Variants in PROSER2 observed in about 807,000 individuals in gnomAD.
The protein encoded by PROSER2 is proline and serine-rich protein 2.
In PROSER2, 18 loss-of-function variants were observed where a neutral mutation model predicts 14.6. That is an observed-to-expected ratio of 1.23 (90% CI 0.85 to 1.83). The LOEUF is 1.83. Among genes scored for constraint, PROSER2 ranks in the 40% most tolerant of loss-of-function variants. The pLI, the probability that PROSER2 is intolerant of heterozygous loss-of-function variation, is 0.00. For synonymous variants in PROSER2, 367 were observed against 286.4 expected, an observed-to-expected ratio of 1.28 and a Z score of -2.84; for missense variants, 823 against 629.8, an observed-to-expected ratio of 1.31 and a Z score of -3.28.
At position 11,830,494 on chromosome 10, in the gene PROSER2, T is replaced by G. The variant is rs1022265217; in HGVS notation, c.-82+7024T>G. Reference sequence around the variant, plus strand: ...AACAGCGCCGCGGTAAAGATGCAAGTGCAGGTGTCTTTTGATGTAATGATT... The same window carrying G: ...AACAGCGCCGCGGTAAAGATGCAAGGGCAGGTGTCTTTTGATGTAATGATT... On this transcript the variant is annotated intron_variant, in intron 1 of 3. Transcript: ENST00000277570. The surrounding 1 kb of genome is among the most constrained non-coding windows in gnomAD (Gnocchi z 4.5). Among the ~76,000 whole-genome samples the G allele has an allele frequency of 3.3e-5, 5 of 152,224 alleles. No homozygotes were observed.
chr10:11,833,095 C>G (rs1833709890), intron 1 of PROSER2, among the ~76,000 whole-genome samples: 1 of 152,132 alleles, frequency 6.6e-6, no homozygotes, highest in East Asian at 1.9e-4. Flanking sequence ...CCGCCCACCT[C>G]AGCCTCCCAA....
At chr10:11,845,916 T>A (rs945536271) in intron 1 of PROSER2, among the ~76,000 whole-genome samples, 29 of 152,344 alleles carry the variant, frequency 1.9e-4, no homozygotes, top group African/African-American at 7.0e-4. Context: ...ACCTAGTATC[T>A]TTCATCCATT....
intron 1 of PROSER2, among the ~76,000 whole-genome samples, chr10:11,849,400 A>AG: frequency 6.6e-6 from 1 of 152,312 alleles, no homozygotes; most frequent in East Asian, 1.9e-4. Flanking sequence ...CTGTAGGTCT[A>AG]GGTCTGAGTC....
chr10:11,842,791 A>G (rs904454610), intron 1 of PROSER2, among the ~76,000 whole-genome samples: 6 of 151,672 alleles, frequency 4.0e-5, no homozygotes, highest in Non-Finnish European at 8.8e-5. Context: ...GATTTTCAGC[A>G]GTTATAATCT....
At chr10:11,851,963 A>T in intron 1 of PROSER2, 34 bp from the exon 2 acceptor site, 1 of 1,137,134 alleles carries the variant, frequency 8.8e-7, no homozygotes, top group African/African-American at 1.6e-5. Context: ...GTCTCGGCTT[A>T]CTGACCATTG....
rs1021419724 is a variant in PROSER2 at position 11,838,118 on chromosome 10, G to A, written c.-81-13879G>A. On this transcript the variant is annotated intron_variant, in intron 1 of 3. Transcript: ENST00000277570. This position sits in a 1 kb window ranked among gnomAD's most constrained non-coding sequence, Gnocchi z 4.4. ...ACCTTTCCTTTCTGTGTTGGTAGCAGCCAGACTCAGGTGCCCTCCGGTGAG... is the reference window on the plus strand; with the variant it reads ...ACCTTTCCTTTCTGTGTTGGTAGCAACCAGACTCAGGTGCCCTCCGGTGAG... 4.0e-5 allele frequency among the ~76,000 whole-genome samples: 6 copies of A among 150,908 alleles called. No individual in the cohort carries two copies. The highest frequency in any genetic ancestry group is 5.9e-5 in the Non-Finnish European group (4 of 67,406).
In PROSER2 at chr10:11,857,833, CTAAGTGCAGG is replaced by C. The variant is rs1564310928; in HGVS notation, c.138+5620_138+5629del. On this transcript the variant is annotated intron_variant, in intron 2 of 3. Transcript: ENST00000277570. ...CTTCGGCAACCTCGGAAGAGAGACT[CTAAGTGCAGG>C]TGGAGCAGAGATGAGTTCTGCTGCT... Among the ~76,000 whole-genome samples the C allele has an allele frequency of 3.3e-5, 5 of 151,984 alleles. No homozygotes were observed. The East Asian group carries it at 9.7e-4, about 29-fold the overall frequency.
chr10:11,860,150 C>T (rs1382873795), intron 2 of PROSER2, among the ~76,000 whole-genome samples: 2 of 152,210 alleles, frequency 1.3e-5, no homozygotes, highest in Non-Finnish European at 1.5e-5. Flanking sequence ...CTGGCCCTGC[C>T]TTGGGACTCA....
intron 2 of PROSER2, among the ~76,000 whole-genome samples, chr10:11,854,877 A>G (rs1419248506): frequency 6.6e-6 from 1 of 152,074 alleles, no homozygotes; most frequent in Non-Finnish European, 1.5e-5. Context: ...GAGAGTAGCT[A>G]TAAGTTTTAT....
Position 11,856,519 on chromosome 10 carries a change from G to A in PROSER2, c.138+4304G>A, listed in dbSNP as rs1257595408. On this transcript the variant is annotated intron_variant, in intron 2 of 3. Coordinates refer to ENST00000277570, the MANE Select transcript of PROSER2 (RefSeq NM_153256.4). The surrounding 1 kb of genome is among the most constrained non-coding windows in gnomAD (Gnocchi z 5.3). ...GCTGGAACAGCATGGCTGCTTTTGT[G>A]AGGGTGGCTGGGGACATCCCAAGTC... 1.3e-5 allele frequency among the ~76,000 whole-genome samples: 2 copies of A among 152,262 alleles called. No homozygotes were observed. The highest frequency in any genetic ancestry group is 4.8e-5 in the African/African-American group (2 of 41,470).
rs536400872 is a variant in PROSER2 at position 11,868,933 on chromosome 10, G to C, written c.392-557G>C. 5.3e-5 allele frequency among the ~76,000 whole-genome samples: 8 copies of C among 152,270 alleles called. No homozygotes were observed. In the East Asian group the frequency reaches 1.4e-3, roughly 26 times the overall value. ...CCCAAAGTGCTGGGATTACAGGTGCGAGCCACCGCGCCCGGCCCAGTGTTG... is the reference window on the plus strand; with the variant it reads ...CCCAAAGTGCTGGGATTACAGGTGCCAGCCACCGCGCCCGGCCCAGTGTTG... On this transcript the variant is annotated intron_variant, in intron 3 of 3. Transcript: ENST00000277570.
intron 1 of PROSER2, among the ~76,000 whole-genome samples, chr10:11,840,722 C>T (rs1444328639): frequency 1.3e-5 from 2 of 151,422 alleles, no homozygotes; most frequent in Non-Finnish European, 2.9e-5. Context: ...GTCAGGGGTT[C>T]GAGACCAGCC....
chr10:11,837,726 C>T lies in PROSER2; in HGVS notation c.-82+14256C>T, dbSNP rs1419768279. Among the ~76,000 whole-genome samples the T allele has an allele frequency of 6.6e-6, 1 of 152,170 alleles. No homozygotes were observed. The highest frequency in any genetic ancestry group is 1.5e-5 in the Non-Finnish European group (1 of 68,038). ...TAGGGAATCCAAGTCTTATAAGACACGATTTCTTTCCCTCACATTTCCTCG... is the reference window on the plus strand; with the variant it reads ...TAGGGAATCCAAGTCTTATAAGACATGATTTCTTTCCCTCACATTTCCTCG... On this transcript the variant is annotated intron_variant, in intron 1 of 3. Coordinates refer to ENST00000277570, the MANE Select transcript of PROSER2 (RefSeq NM_153256.4). The surrounding 1 kb of genome is among the most constrained non-coding windows in gnomAD (Gnocchi z 4.6).
At chr10:11,860,932 C>T (rs950108742) in intron 2 of PROSER2, among the ~76,000 whole-genome samples, 3 of 151,992 alleles carry the variant, frequency 2.0e-5, no homozygotes, top group African/African-American at 4.8e-5. Flanking sequence ...ATGGCGAAAC[C>T]CCATCTCTAC....
At position 11,832,822 on chromosome 10, in the gene PROSER2, T is replaced by C. The variant is rs918520927; in HGVS notation, c.-82+9352T>C. Among the ~76,000 whole-genome samples, 2 of 152,096 alleles carry C rather than the reference T, an allele frequency of 1.3e-5. 1 individual carries two copies. Among genetic ancestry groups the C allele is most frequent in the South Asian group, 4.1e-4 (2 of 4,824 alleles). On this transcript the variant is annotated intron_variant, in intron 1 of 3. Coordinates refer to ENST00000277570, the MANE Select transcript of PROSER2 (RefSeq NM_153256.4). ...AGGTCTGTTTTTAGGGTGCTCTTTTTTTTTTATTTAGATGGTTTTAGAGTT... is the reference window on the plus strand; with the variant it reads ...AGGTCTGTTTTTAGGGTGCTCTTTTCTTTTTATTTAGATGGTTTTAGAGTT...
intron 1 of PROSER2, among the ~76,000 whole-genome samples, chr10:11,839,440 C>T (rs1051122695): frequency 1.3e-5 from 2 of 152,278 alleles, no homozygotes; most frequent in Middle Eastern, 3.4e-3. Flanking sequence ...TTATATCAAG[C>T]GATTTCTGTT....
chr10:11,869,738 A>C lies in PROSER2; in HGVS notation c.640A>C (p.Thr214Pro), dbSNP rs1588502803. Residue 214 changes from threonine (T) to proline (P), a missense_variant, in exon 4 of 4, where the codon ACC (threonine) becomes CCC (proline). Physicochemically the swap from Thr to Pro is conservative, Grantham distance 38. Coordinates refer to ENST00000277570, the MANE Select transcript of PROSER2 (RefSeq NM_153256.4). The surrounding 1 kb of genome is among the most constrained non-coding windows in gnomAD (Gnocchi z 4.4). ...GGCGGGGAACGAAGCCCTCTCGCCC[A>C]CCTCCCCGTTCAGGGAGGGCCGGCC... Reference protein sequence around the residue: ...RMAGNEALSPTSPFREGRPGE... With the variant: ...RMAGNEALSPPSPFREGRPGE... The C allele has an allele frequency of 6.3e-7, 1 of 1,584,968 alleles. No individual in the cohort carries two copies. The highest frequency in any genetic ancestry group is 1.4e-5 in the African/African-American group (1 of 73,944).
At chr10:11,864,482 G>T (rs955100681) in intron 2 of PROSER2, among the ~76,000 whole-genome samples, 2 of 151,934 alleles carry the variant, frequency 1.3e-5, no homozygotes, top group African/African-American at 2.4e-5. Flanking sequence ...TTTGAATGTA[G>T]TTGCTACATA....
chr10:11,869,942 AG>A lies in PROSER2; in HGVS notation c.847del (p.Ala283ArgfsTer70). The stretch of plus-strand genomic sequence containing the variant: ...GGCGGCCGTCAGCGTGCAGGAGCGC[AG>A]GGCGCAGGTGTTGGCCACCATCCAC... The part of the protein sequence containing the change: ...SRAAVSVQER[R>X]AQVLATIHGH... On this transcript the variant is annotated frameshift_variant, in exon 4 of 4. Transcript: ENST00000277570. LOFTEE classifies it low-confidence loss of function (END_TRUNC). This position sits in a 1 kb window ranked among gnomAD's most constrained non-coding sequence, Gnocchi z 4.4. 1.3e-6 allele frequency: 2 copies of A among 1,523,614 alleles called. No homozygotes were observed. Among genetic ancestry groups the A allele is most frequent in the Non-Finnish European group, 1.8e-6 (2 of 1,140,384 alleles). The allele number at this position is 1,523,614 out of a possible 1,614,324, so 94.4% of individuals were successfully genotyped here.
Sources: allele counts gnomAD v4.1 joint callset (sites outside exome capture counted in the v4.1 genomes callset), GRCh38; gene constraint gnomAD v4.1.1; non-coding constraint Gnocchi (gnomAD v3.1); transcripts MANE v1.5; gene names NCBI Gene and HGNC (gene_info 2026-07-23, HGNC 2026-07-21).